The following GLDC variants were observed in gnomAD, a reference collection of about 807,000 sequenced individuals.
GLDC encodes glycine decarboxylase.
Under a neutral mutation model 121.3 loss-of-function variants are expected in GLDC, and 104 were observed. The observed-to-expected ratio is 0.86, with a 90% confidence interval of 0.73 to 1.01. The LOEUF (loss-of-function observed/expected upper bound fraction) is 1.01. GLDC is among the 50% of genes least tolerant of loss of function. The probability of loss-of-function intolerance (pLI) is 0.00; values close to 1 mark genes in which losing one functional copy is unlikely to be tolerated. For missense variants in GLDC, 1,429 were observed against 1,306.6 expected (o/e 1.09, Z -1.44); for synonymous variants, 546 against 480.6 (o/e 1.14, Z -1.78).
intron 4 of GLDC, among the ~76,000 whole-genome samples, chr9:6,609,761 C>T (rs1469719455): frequency 6.6e-6 from 1 of 152,032 alleles, no homozygotes; most frequent in Non-Finnish European, 1.5e-5. Flanking sequence ...CACTGCCCTG[C>T]CTTGAGAGAC....
chr9:6,560,017 C>G (rs1008397829), intron 16 of GLDC, among the ~76,000 whole-genome samples: 18 of 152,180 alleles, frequency 1.2e-4, no homozygotes. Flanking sequence ...CTTACAGCTG[C>G]ACTGAATTTT....
chr9:6,594,618 C>G (rs1265427383), intron 9 of GLDC, among the ~76,000 whole-genome samples: 1 of 152,086 alleles, frequency 6.6e-6, no homozygotes, highest in Admixed American at 6.6e-5. Flanking sequence ...TCACATGAAT[C>G]CGGGAAGTGG....
chr9:6,638,854 T>TA (rs1264925070), intron 2 of GLDC, among the ~76,000 whole-genome samples: 2 of 151,898 alleles, frequency 1.3e-5, no homozygotes, highest in East Asian at 3.9e-4. Flanking sequence ...ACTAAAAATA[T>TA]AAAAACTAGC....
intron 2 of GLDC, among the ~76,000 whole-genome samples, chr9:6,642,100 T>A (rs1271816122): frequency 6.6e-6 from 1 of 152,200 alleles, no homozygotes; most frequent in Non-Finnish European, 1.5e-5. Context: ...CAGCTCACTA[T>A]TCCAAGAAAC....
chr9:6,644,270 A>C lies in GLDC; in HGVS notation c.334+344T>G, dbSNP rs894536811. On this transcript the variant is annotated intron_variant, in intron 2 of 24. Transcript: ENST00000321612. ...CCTTTGAGTCTATCCGGGTCTGCGC[A>C]GGTAATGACACCTCTCAACCCAAAG... Among the ~76,000 whole-genome samples, 3 of 151,892 alleles carry C rather than the reference A, an allele frequency of 2.0e-5. No homozygotes were observed. The East Asian group carries it at 5.8e-4, about 29-fold the overall frequency.
chr9:6,544,406 C>CA (rs764546212), intron 21 of GLDC, among the ~76,000 whole-genome samples: 201 of 149,952 alleles, frequency 1.3e-3, no homozygotes, highest in Non-Finnish European at 2.2e-3. Flanking sequence ...GATGGAAAAA[C>CA]AAAAAAAAAG....
At chr9:6,598,195 T>A (rs1440966738) in intron 8 of GLDC, among the ~76,000 whole-genome samples, 1 of 151,324 alleles carries the variant, frequency 6.6e-6, no homozygotes. Flanking sequence ...ACCTGGCTAA[T>A]TTTTGTACTT....
chr9:6,641,936 G>A (rs1819638083), intron 2 of GLDC, among the ~76,000 whole-genome samples: 1 of 152,152 alleles, frequency 6.6e-6, no homozygotes. Flanking sequence ...GAGTAATGGT[G>A]CTCCACTATT....
At chr9:6,555,202 G>T (rs925934531) in intron 18 of GLDC, among the ~76,000 whole-genome samples, 1 of 152,124 alleles carries the variant, frequency 6.6e-6, no homozygotes, top group African/African-American at 2.4e-5. Context: ...GCACGTTACC[G>T]AACGGCCCCG....
At chr9:6,580,484 G>C (rs1207461737) in intron 15 of GLDC, among the ~76,000 whole-genome samples, 2 of 152,190 alleles carry the variant, frequency 1.3e-5, no homozygotes, top group African/African-American at 4.8e-5. Flanking sequence ...TGATCCGGAA[G>C]ATGTAGGGCT....
At chr9:6,614,367 T>A (rs972416198) in intron 3 of GLDC, among the ~76,000 whole-genome samples, 1 of 151,888 alleles carries the variant, frequency 6.6e-6, no homozygotes, top group African/African-American at 2.4e-5. Flanking sequence ...CCCGAGTGGC[T>A]GGGACTACAG....
At chr9:6,535,154 T>G (rs138398388) in intron 23 of GLDC, among the ~76,000 whole-genome samples, 44 of 152,326 alleles carry the variant, frequency 2.9e-4, no homozygotes, top group African/African-American at 9.9e-4. Flanking sequence ...TTACTGCATA[T>G]GTTAATAAAC....
At chr9:6,573,550 A>C (rs529676790) in intron 15 of GLDC, among the ~76,000 whole-genome samples, 1 of 152,190 alleles carries the variant, frequency 6.6e-6, no homozygotes, top group Non-Finnish European at 1.5e-5. Flanking sequence ...CAAAAGAAGA[A>C]GAAAAAAGCG....
intron 2 of GLDC, among the ~76,000 whole-genome samples, chr9:6,640,340 C>T (rs561990229): frequency 9.2e-5 from 14 of 152,380 alleles, no homozygotes; most frequent in African/African-American, 3.4e-4. Context: ...GCGGGGCCTA[C>T]AGGCAGGACC....
chr9:6,593,073 T>G (rs1348935581), intron 9 of GLDC, 83 bp from the exon 10 acceptor site: 10 of 1,420,488 alleles, frequency 7.0e-6, no homozygotes, highest in Admixed American at 1.7e-5. Context: ...AATAAAGAGA[T>G]AAATTCTACT....
chr9:6,565,574 C>T, intron 15 of GLDC, 145 bp from the exon 16 acceptor site: 2 of 731,550 alleles, frequency 2.7e-6, no homozygotes, highest in South Asian at 2.9e-5. Flanking sequence ...CATCAAGGAG[C>T]TCTGCTGGAG....
At chr9:6,643,832 GACACCAGCCTGGCCA>G (rs1218488212) in intron 2 of GLDC, among the ~76,000 whole-genome samples, 1 of 151,502 alleles carries the variant, frequency 6.6e-6, no homozygotes, top group Non-Finnish European at 1.5e-5. Context: ...TCAGGAGTTC[GACACCAGCCTGGCCA>G]ACATGAAGAA....
chr9:6,640,099 G>C (rs1291474244), intron 2 of GLDC, among the ~76,000 whole-genome samples: 2 of 152,080 alleles, frequency 1.3e-5, no homozygotes, highest in East Asian at 1.9e-4. Context: ...ACACCTAAAG[G>C]CTTCCCTTTT....
intron 2 of GLDC, among the ~76,000 whole-genome samples, chr9:6,629,212 T>C (rs147221017): frequency 5.1e-4 from 68 of 134,494 alleles, no homozygotes; most frequent in Non-Finnish European, 8.9e-4. Context: ...ATTTTGCTGT[T>C]AAATATTCAT....
Sources: allele counts gnomAD v4.1 joint callset (sites outside exome capture counted in the v4.1 genomes callset), GRCh38; gene constraint gnomAD v4.1.1; transcripts MANE v1.5; gene names NCBI Gene and HGNC (gene_info 2026-07-23, HGNC 2026-07-21).